The following APAF1 variants were observed in gnomAD, a reference collection of about 807,000 sequenced individuals.
APAF1 encodes apoptotic peptidase activating factor 1, also known as apoptotic protease-activating factor 1.
A neutral mutation model predicts 152.4 loss-of-function variants in APAF1; 91 were observed. That is an observed-to-expected ratio of 0.60 (90% CI 0.50 to 0.71). The LOEUF is 0.71. APAF1 is among the 30% of genes least tolerant of loss of function. The probability of loss-of-function intolerance (pLI) is 0.00; values close to 1 mark genes in which losing one functional copy is unlikely to be tolerated. For synonymous variants in APAF1, 484 were observed against 494.1 expected, an observed-to-expected ratio of 0.98 and a Z score of 0.27; for missense variants, 1,283 against 1,472.0, an observed-to-expected ratio of 0.87 and a Z score of 2.10.
chr12:98,728,948 G>A (rs2097755735), intron 26 of APAF1, among the ~76,000 whole-genome samples: 1 of 152,224 alleles, frequency 6.6e-6, no homozygotes, highest in African/African-American at 2.4e-5. Context: ...TGTGTTGAAT[G>A]TCCAGTGTGT....
intron 17 of APAF1, among the ~76,000 whole-genome samples, chr12:98,699,899 TA>T (rs919970962): frequency 3.3e-5 from 5 of 152,240 alleles, no homozygotes; most frequent in African/African-American, 1.2e-4. Flanking sequence ...CAAATGTATT[TA>T]AAACATAGAA....
At chr12:98,652,500 A>G (rs554809886) in intron 4 of APAF1, among the ~76,000 whole-genome samples, 63 of 150,642 alleles carry the variant, frequency 4.2e-4, no homozygotes, top group Non-Finnish European at 7.3e-4. Context: ...TTCTTTTTTT[A>G]TGGATTTTGT....
chr12:98,717,527 A>C (rs1371139190), intron 22 of APAF1, among the ~76,000 whole-genome samples: 1 of 151,726 alleles, frequency 6.6e-6, no homozygotes, highest in Non-Finnish European at 1.5e-5. Flanking sequence ...AGGCATGCAC[A>C]ACCACACCCT....
intron 22 of APAF1, among the ~76,000 whole-genome samples, 182 bp from the exon 23 acceptor site, chr12:98,723,011 A>C (rs766860165): frequency 8.5e-4 from 129 of 152,222 alleles, no homozygotes; most frequent in Non-Finnish European, 1.5e-3. Flanking sequence ...TAGTCAATTT[A>C]CATAACCGCA....
intron 7 of APAF1, among the ~76,000 whole-genome samples, chr12:98,664,061 C>T (rs1387543143): frequency 6.6e-6 from 1 of 151,962 alleles, no homozygotes; most frequent in Non-Finnish European, 1.5e-5. Context: ...ACTCTGTCGC[C>T]CAGGCTGGAG....
At chr12:98,650,474 A>G (rs933294206) in intron 4 of APAF1, among the ~76,000 whole-genome samples, 2 of 152,060 alleles carry the variant, frequency 1.3e-5, no homozygotes, top group African/African-American at 4.8e-5. Flanking sequence ...CAACAAGAGC[A>G]AGACTCCATC....
At chr12:98,659,740 G>A (rs2097662439) in intron 5 of APAF1, among the ~76,000 whole-genome samples, 1 of 81,526 alleles carries the variant, frequency 1.2e-5, no homozygotes, top group Non-Finnish European at 2.2e-5. Context: ...CAATAAGAGT[G>A]AAACTCCATC....
intron 12 of APAF1, among the ~76,000 whole-genome samples, chr12:98,676,298 C>G (rs2097686421): frequency 6.6e-6 from 1 of 152,084 alleles, no homozygotes; most frequent in South Asian, 2.1e-4. Context: ...CAACCTCCAC[C>G]TCCAGGGTTC....
At chr12:98,699,692 T>G in intron 17 of APAF1, 123 bp downstream of exon 17, 1 of 1,055,332 alleles carries the variant, frequency 9.5e-7, no homozygotes, top group South Asian at 1.4e-5. Flanking sequence ...TGGGCAGTCT[T>G]CCTAACCTGT....
At chr12:98,668,771 G>A (rs2097676574) in intron 10 of APAF1, among the ~76,000 whole-genome samples, 1 of 152,170 alleles carries the variant, frequency 6.6e-6, no homozygotes, top group Non-Finnish European at 1.5e-5. Context: ...AATGGGGATG[G>A]TTAAGAACTC....
At chr12:98,653,932 C>G (rs532764984) in intron 4 of APAF1, among the ~76,000 whole-genome samples, 15 of 151,508 alleles carry the variant, frequency 9.9e-5, no homozygotes, top group African/African-American at 3.4e-4. Flanking sequence ...TTGTTTCTGT[C>G]CTTTCCAAGA....
chr12:98,683,185 G>A lies in APAF1; in HGVS notation c.2089G>A (p.Glu697Lys), dbSNP rs774252639. ...TGGGGAACTAGTACACACCTATGATGAGCACTCAGAGCAAGTCAATTGCTG... is the reference window on the plus strand; with the variant it reads ...TGGGGAACTAGTACACACCTATGATAAGCACTCAGAGCAAGTCAATTGCTG... The part of the protein sequence containing the change: ...MTGELVHTYD[E>K]HSEQVNCCHF... Residue 697 changes from glutamate (E) to lysine (K), a missense_variant, in exon 15 of 27, where the codon GAG (glutamate) becomes AAG (lysine). Transcript: ENST00000551964. 2.5e-6 allele frequency: 4 copies of A among 1,613,376 alleles called. No individual in the cohort carries two copies. Among genetic ancestry groups the A allele is most frequent in the Non-Finnish European group, 3.4e-6 (4 of 1,179,498 alleles).
intron 10 of APAF1, among the ~76,000 whole-genome samples, chr12:98,669,308 G>A (rs1286416274): frequency 1.3e-5 from 2 of 152,112 alleles, no homozygotes; most frequent in African/African-American, 4.8e-5. Context: ...TGACATGTAT[G>A]ATAGTGTGGC....
intron 15 of APAF1, among the ~76,000 whole-genome samples, chr12:98,686,129 A>G (rs777653290): frequency 2.1e-4 from 32 of 152,288 alleles, no homozygotes; most frequent in South Asian, 6.2e-4. Context: ...CAAAACATGC[A>G]TTTCTATCAT....
chr12:98,715,204 A>G (rs1161568478), intron 21 of APAF1, among the ~76,000 whole-genome samples: 7 of 122,478 alleles, frequency 5.7e-5, no homozygotes, highest in Non-Finnish European at 1.2e-4. Context: ...TTTAGGGTCC[A>G]ATATGTTTGC....
At chr12:98,677,089 A>G (rs1241520054) in intron 12 of APAF1, among the ~76,000 whole-genome samples, 1 of 152,252 alleles carries the variant, frequency 6.6e-6, no homozygotes, top group Non-Finnish European at 1.5e-5. Context: ...CTGCACATGT[A>G]TCATTATTAA....
At chr12:98,730,464 G>T (rs764160449) in intron 26 of APAF1, among the ~76,000 whole-genome samples, 1 of 152,236 alleles carries the variant, frequency 6.6e-6, no homozygotes, top group South Asian at 2.1e-4. Context: ...TTTATAAGAT[G>T]TTACAAAGAT....
At chr12:98,650,234 T>C (rs1247357908) in intron 4 of APAF1, among the ~76,000 whole-genome samples, 2 of 151,984 alleles carry the variant, frequency 1.3e-5, no homozygotes, top group Non-Finnish European at 2.9e-5. Flanking sequence ...CGGTGGCTCA[T>C]GCTTGTAATC....
At chr12:98,649,463 T>A in intron 3 of APAF1, 24 bp from the exon 4 acceptor site, 2 of 1,610,568 alleles carry the variant, frequency 1.2e-6, no homozygotes, top group Non-Finnish European at 1.7e-6. Flanking sequence ...TATTCATTCA[T>A]GCTTGTTTTG....
Sources: gnomAD v4.1 joint callset for allele counts (sites outside exome capture counted in the v4.1 genomes callset) on GRCh38, gnomAD v4.1.1 for gene constraint, MANE v1.5 for transcripts, NCBI Gene and HGNC (gene_info 2026-07-23, HGNC 2026-07-21) for gene names.